Variants in PAICS observed in about 807,000 individuals in gnomAD.
PAICS encodes the protein bifunctional phosphoribosylaminoimidazole carboxylase/phosphoribosylaminoimidazole succinocarboxamide synthetase.
A neutral mutation model predicts 53.7 loss-of-function variants in PAICS; 33 were observed. The ratio of observed to expected loss-of-function variants is 0.61; its 90% confidence interval spans 0.47 to 0.82. The LOEUF is 0.82. Among genes scored for constraint, PAICS ranks in the 40% least tolerant of loss-of-function variants. The probability of loss-of-function intolerance (pLI) is 0.00; values close to 1 mark genes in which losing one functional copy is unlikely to be tolerated. For missense variants in PAICS, 394 were observed against 494.1 expected (o/e 0.80, Z 1.92); for synonymous variants, 141 against 167.2 (o/e 0.84, Z 1.21).
At chr4:56,455,256 A>G (rs1218755965) in intron 8 of PAICS, among the ~76,000 whole-genome samples, 10 of 152,208 alleles carry the variant, frequency 6.6e-5, no homozygotes, top group South Asian at 2.1e-4. Context: ...ATAGTCCAAG[A>G]TATGATCTGA....
the PAICS span, chr4:56,414,245 TG>T: frequency 6.6e-6 from 1 of 152,222 alleles, no homozygotes; most frequent in African/African-American, 2.4e-5. Flanking sequence ...TTTTTATTGG[TG>T]TGTGATACAC....
chr4:56,448,293 C>G, intron 3 of PAICS, 125 bp from the exon 4 acceptor site: 2 of 613,218 alleles, frequency 3.3e-6, no homozygotes. Context: ...GCATGAGCCA[C>G]CATGCCCGGC....
chr4:56,436,292 G>C lies in PAICS; in HGVS notation c.-21G>C, dbSNP rs543762217. 1.3e-6 allele frequency: 2 copies of C among 1,598,930 alleles called. No individual in the cohort carries two copies. Among genetic ancestry groups the C allele is most frequent in the Non-Finnish European group, 1.7e-6 (2 of 1,173,380 alleles). On this transcript the variant is annotated 5_prime_UTR_variant, in exon 1 of 9. Coordinates refer to ENST00000512576, the MANE Select transcript of PAICS (RefSeq NM_001079524.2). ...TGCCTCGCTTCCCGGCGCGGTCGCA[G>C]CCCTCAGCCCACTTAGGATAATGGC...
upstream of PAICS, chr4:56,435,976 G>A (rs1239708783): frequency 1.3e-6 from 2 of 1,520,518 alleles, no homozygotes; most frequent in Admixed American, 1.7e-5. Context: ...AGGGGCCGGG[G>A]TATGCGAGCT....
chr4:56,430,381 A>G, the PAICS span, among the ~76,000 whole-genome samples: 1 of 152,156 alleles, frequency 6.6e-6, no homozygotes, highest in Non-Finnish European at 1.5e-5. Context: ...TGTACAGATG[A>G]GGAAACTGAG....
chr4:56,413,225 T>A, the PAICS span, among the ~76,000 whole-genome samples: 2 of 152,218 alleles, frequency 1.3e-5, no homozygotes, highest in African/African-American at 4.8e-5. Flanking sequence ...AGTGGTGCAA[T>A]CTCAGCTCAC....
chr4:56,425,722 C>T, the PAICS span, among the ~76,000 whole-genome samples: 1 of 152,086 alleles, frequency 6.6e-6, no homozygotes, highest in South Asian at 2.1e-4. Context: ...CGAAAAAGAC[C>T]GACCATGTGA....
At chr4:56,427,592 A>C in the PAICS span, among the ~76,000 whole-genome samples, 1 of 151,050 alleles carries the variant, frequency 6.6e-6, no homozygotes, top group Non-Finnish European at 1.5e-5. Flanking sequence ...GGATCGCTTG[A>C]GCTCAGGAGG....
At chr4:56,416,925 CTG>C in the PAICS span, among the ~76,000 whole-genome samples, 1 of 152,208 alleles carries the variant, frequency 6.6e-6, no homozygotes, top group African/African-American at 2.4e-5. Flanking sequence ...TCCCAGCTCA[CTG>C]TAACCTCTGC....
intron 5 of PAICS, among the ~76,000 whole-genome samples, chr4:56,449,280 T>C (rs1227555383): frequency 6.6e-6 from 1 of 152,156 alleles, no homozygotes; most frequent in Non-Finnish European, 1.5e-5. Context: ...TCATCATCAC[T>C]GATCATTAGA....
chr4:56,412,497 C>T, the PAICS span, among the ~76,000 whole-genome samples: 1 of 151,924 alleles, frequency 6.6e-6, no homozygotes, highest in South Asian at 2.1e-4. Context: ...GATGGGTTTC[C>T]CACCATGTTG....
chr4:56,436,409 C>A, intron 1 of PAICS, 81 bp downstream of exon 1: 1 of 1,140,770 alleles, frequency 8.8e-7, no homozygotes, highest in Non-Finnish European at 1.3e-6. Context: ...AGCCGCGAAA[C>A]TCTGTCCCGC....
intron 8 of PAICS, among the ~76,000 whole-genome samples, chr4:56,454,382 A>AATCT (rs1267473463): frequency 1.3e-5 from 2 of 152,160 alleles, no homozygotes; most frequent in Non-Finnish European, 2.9e-5. Context: ...CATATTGTTT[A>AATCT]ATCTACCATT....
At chr4:56,444,842 A>G (rs1260566879) in intron 2 of PAICS, among the ~76,000 whole-genome samples, 2 of 152,160 alleles carry the variant, frequency 1.3e-5, no homozygotes, top group Non-Finnish European at 2.9e-5. Flanking sequence ...ATTAAAAACA[A>G]TAAAATTGGA....
At chr4:56,436,184 G>C (rs1717933561), upstream of PAICS, 3 of 1,509,760 alleles carry the variant, frequency 2.0e-6, no homozygotes, top group South Asian at 1.3e-5. Context: ...AGCGGAGCTC[G>C]AAAAGAGTGG....
intron 2 of PAICS, among the ~76,000 whole-genome samples, chr4:56,446,178 G>T (rs973388199): frequency 6.6e-6 from 1 of 152,120 alleles, no homozygotes; most frequent in Non-Finnish European, 1.5e-5. Flanking sequence ...CCATTTTTAA[G>T]TGTCCAATTC....
intron 8 of PAICS, among the ~76,000 whole-genome samples, chr4:56,457,568 T>C (rs755862850): frequency 7.2e-5 from 11 of 152,234 alleles, no homozygotes; most frequent in Admixed American, 3.9e-4. Context: ...CAAAGGTATC[T>C]GGTGCCACTA....
chr4:56,417,135 C>T, the PAICS span, among the ~76,000 whole-genome samples: 1 of 152,192 alleles, frequency 6.6e-6, no homozygotes, highest in East Asian at 1.9e-4. Flanking sequence ...AGGCGTGAGC[C>T]ACTGCACCCG....
chr4:56,442,768 C>G (rs1340326834), intron 2 of PAICS, among the ~76,000 whole-genome samples: 1 of 152,178 alleles, frequency 6.6e-6, no homozygotes, highest in South Asian at 2.1e-4. Context: ...TAGCACTAAT[C>G]TTTCTTAAAT....
Sources: allele counts gnomAD v4.1 joint callset (sites outside exome capture counted in the v4.1 genomes callset), GRCh38; gene constraint gnomAD v4.1.1; transcripts MANE v1.5; gene names NCBI Gene and HGNC (gene_info 2026-07-23, HGNC 2026-07-21).